ADAMTS19: variants seen among roughly 807,000 people sequenced by gnomAD.
ADAMTS19 encodes ADAM metallopeptidase with thrombospondin type 1 motif 19, also known as A disintegrin and metalloproteinase with thrombospondin motifs 19.
In ADAMTS19, 93 loss-of-function variants were observed where a neutral mutation model predicts 153.3. That is an observed-to-expected ratio of 0.61 (90% confidence interval 0.51 to 0.72). ADAMTS19 has a LOEUF of 0.72. ADAMTS19 is among the 30% of genes least tolerant of loss of function. ADAMTS19 has a pLI of 0.00. For synonymous variants in ADAMTS19, 600 were observed against 556.6 expected, an observed-to-expected ratio of 1.08 and a Z score of -1.10; for missense variants, 1,482 against 1,552.1, an observed-to-expected ratio of 0.95 and a Z score of 0.76.
At chr5:129,551,997 A>T in intron 7 of ADAMTS19, 90 bp downstream of exon 7, 2 of 798,126 alleles carry the variant, frequency 2.5e-6, no homozygotes, top group South Asian at 2.0e-5. Context: ...TGTTCTGGTT[A>T]TAAAGGAATA....
chr5:129,503,903 A>G (rs1390826135), intron 2 of ADAMTS19, among the ~76,000 whole-genome samples: 2 of 152,126 alleles, frequency 1.3e-5, no homozygotes, highest in Non-Finnish European at 2.9e-5. Flanking sequence ...TTTTACAAGC[A>G]TATACTGATT....
intron 2 of ADAMTS19, among the ~76,000 whole-genome samples, chr5:129,464,231 C>T (rs1749782394): frequency 6.6e-6 from 1 of 152,160 alleles, no homozygotes; most frequent in South Asian, 2.1e-4. Flanking sequence ...CTTCAAAAGC[C>T]TTGTCTGCAA....
rs754107135 is a variant in ADAMTS19 at position 129,527,847 on chromosome 5, GT to G, written c.1170+22del. 9.9e-6 allele frequency: 15 copies of G among 1,516,102 alleles called. No homozygotes were observed. Among genetic ancestry groups the G allele is most frequent in the Admixed American group, 6.9e-5 (4 of 57,606 alleles). 93.9% of individuals were successfully genotyped at this position (1,516,102 alleles called of 1,614,324 possible). A position where few individuals can be genotyped will look rare whatever the true frequency, so the allele number is the denominator to read the frequency against. On this transcript the variant is annotated intron_variant, in intron 5 of 22. Coordinates refer to ENST00000274487, the MANE Select transcript of ADAMTS19 (RefSeq NM_133638.6). ...TGAAACTCCAGTAAGAAAGTCTTGA[GT>G]TTTTTATTAAATTAAATGGGGGAGA...
In ADAMTS19 at chr5:129,537,941, AT is replaced by A. The variant is rs1215228720; in HGVS notation, c.1328+9265del. ...AGTATAATAATAATAATGATAATAAATACACAAAAAAAGAAAAAAAAGAGTA... is the reference window on the plus strand; with the variant it reads ...AGTATAATAATAATAATGATAATAAAACACAAAAAAAGAAAAAAAAGAGTA... On this transcript the variant is annotated intron_variant, in intron 6 of 22. Coordinates refer to ENST00000274487, the MANE Select transcript of ADAMTS19 (RefSeq NM_133638.6). Among the ~76,000 whole-genome samples the A allele has an allele frequency of 9.2e-5, 14 of 152,054 alleles. No individual in the cohort carries two copies. The East Asian group carries it at 2.7e-3, about 29-fold the overall frequency.
intron 10 of ADAMTS19, among the ~76,000 whole-genome samples, chr5:129,622,564 T>G (rs1751829255): frequency 6.6e-6 from 1 of 152,214 alleles, no homozygotes; most frequent in Admixed American, 6.5e-5. Context: ...AAGAAAGACC[T>G]AATAATTTCT....
intron 21 of ADAMTS19, among the ~76,000 whole-genome samples, chr5:129,728,994 A>C (rs991320580): frequency 2.0e-5 from 3 of 152,146 alleles, no homozygotes; most frequent in African/African-American, 7.2e-5. Flanking sequence ...AGTTAATGAG[A>C]TTAGAGTCTT....
At chr5:129,575,409 C>A (rs4836462) in intron 7 of ADAMTS19, among the ~76,000 whole-genome samples, 77,559 of 151,860 alleles carry the variant, frequency 0.51, 22,891 homozygotes, top group Non-Finnish European at 0.66. Flanking sequence ...TATGTGCAAT[C>A]AGAACACTTT....
intron 2 of ADAMTS19, among the ~76,000 whole-genome samples, chr5:129,499,170 C>T (rs1751021698): frequency 6.6e-6 from 1 of 151,574 alleles, no homozygotes; most frequent in South Asian, 2.1e-4. Flanking sequence ...ATAGATAGCC[C>T]AAAATAATAA....
In ADAMTS19 at chr5:129,533,262, T is replaced by C. The variant is rs146333474; in HGVS notation, c.1328+4585T>C. Among the ~76,000 whole-genome samples the C allele has an allele frequency of 6.8e-4, 104 of 152,302 alleles. 1 individual carries two copies. Among genetic ancestry groups the C allele is most frequent in the Non-Finnish European group, 3.2e-4 (22 of 68,016 alleles). ...TGACTGCAAAAAGGCAGAAGGAACT[T>C]TCTGTAGTGCTGGAAATATTGCATA... On this transcript the variant is annotated intron_variant, in intron 6 of 22. Transcript: ENST00000274487.
intron 2 of ADAMTS19, among the ~76,000 whole-genome samples, chr5:129,490,216 T>C (rs1750722594): frequency 2.6e-5 from 4 of 152,170 alleles, no homozygotes. Context: ...AAATTTTAAG[T>C]GCTGAAAAGC....
chr5:129,611,652 C>T (rs1459288424), intron 8 of ADAMTS19, among the ~76,000 whole-genome samples: 2 of 152,078 alleles, frequency 1.3e-5, no homozygotes, highest in Non-Finnish European at 2.9e-5. Flanking sequence ...GTCTATATCT[C>T]TGTTTTGATA....
intron 7 of ADAMTS19, among the ~76,000 whole-genome samples, chr5:129,579,134 C>CAGT (rs1317903544): frequency 9.2e-5 from 14 of 152,218 alleles, no homozygotes; most frequent in African/African-American, 3.4e-4. Flanking sequence ...GATCGCCATT[C>CAGT]TAACTGGCGT....
At chr5:129,710,729 T>A (rs1210445132) in intron 21 of ADAMTS19, among the ~76,000 whole-genome samples, 3 of 152,208 alleles carry the variant, frequency 2.0e-5, no homozygotes, top group African/African-American at 7.2e-5. Context: ...AGCATTTTTT[T>A]AATAATCATA....
chr5:129,728,838 G>A (rs1446589090), intron 21 of ADAMTS19, among the ~76,000 whole-genome samples: 1 of 151,990 alleles, frequency 6.6e-6, no homozygotes, highest in African/African-American at 2.4e-5. Flanking sequence ...CATAATGAGT[G>A]GTCAGTAAAT....
intron 7 of ADAMTS19, among the ~76,000 whole-genome samples, chr5:129,554,521 A>G (rs1289247619): frequency 1.3e-5 from 2 of 152,122 alleles, no homozygotes; most frequent in East Asian, 3.9e-4. Context: ...GGATATAAAG[A>G]AGGAAGAATG....
intron 14 of ADAMTS19, among the ~76,000 whole-genome samples, chr5:129,658,373 G>T (rs1480164448): frequency 6.6e-6 from 1 of 151,416 alleles, no homozygotes; most frequent in South Asian, 2.1e-4. Flanking sequence ...AAGAAAGAGA[G>T]AGAGGAAGGA....
At chr5:129,478,378 G>A (rs1750295342) in intron 2 of ADAMTS19, among the ~76,000 whole-genome samples, 1 of 152,152 alleles carries the variant, frequency 6.6e-6, no homozygotes, top group South Asian at 2.1e-4. Context: ...CATTTTGAAG[G>A]TGCTATTAAA....
At chr5:129,508,080 C>T (rs899727303) in intron 2 of ADAMTS19, among the ~76,000 whole-genome samples, 3 of 151,528 alleles carry the variant, frequency 2.0e-5, no homozygotes, top group Non-Finnish European at 2.9e-5. Context: ...ATTATTGTGC[C>T]ACTTATAAGT....
intron 18 of ADAMTS19, among the ~76,000 whole-genome samples, chr5:129,687,092 A>G (rs1460815150): frequency 6.6e-6 from 1 of 152,088 alleles, no homozygotes; most frequent in African/African-American, 2.4e-5. Flanking sequence ...CTACCCAAAT[A>G]AAAAACAAAG....
Sources: allele counts gnomAD v4.1 joint callset (sites outside exome capture counted in the v4.1 genomes callset), GRCh38; gene constraint gnomAD v4.1.1; transcripts MANE v1.5; gene names NCBI Gene and HGNC (gene_info 2026-07-23, HGNC 2026-07-21).